TENM2: variants seen among roughly 807,000 people sequenced by gnomAD.
TENM2 encodes the protein teneurin transmembrane protein 2.
In TENM2, 52 loss-of-function variants were observed where a neutral mutation model predicts 245.2. That is an observed-to-expected ratio of 0.21 (90% CI 0.17 to 0.27). The LOEUF (loss-of-function observed/expected upper bound fraction) is 0.27, where lower values mean the gene tolerates loss of function less well. TENM2 is among the 10% of genes least tolerant of loss of function. The pLI is 1.00. For synonymous variants in TENM2, 1,363 were observed against 1,438.9 expected (o/e 0.95, Z 1.19); for missense variants, 3,046 against 3,666.8 (o/e 0.83, Z 4.37).
At chr5:167,125,487 T>A in the TENM2 span, among the ~76,000 whole-genome samples, 2 of 152,304 alleles carry the variant, frequency 1.3e-5, no homozygotes, top group East Asian at 3.9e-4. Flanking sequence ...AGACCCTGAA[T>A]CTGTTTGATT....
At chr5:167,938,665 T>C (rs1412340318) in intron 3 of TENM2, 1 of 152,024 alleles carries the variant, frequency 6.6e-6, no homozygotes, top group Non-Finnish European at 1.5e-5. Flanking sequence ...AATGAAGACG[T>C]GAATAAAGGA....
chr5:167,540,447 A>G (rs879391935), intron 2 of TENM2, among the ~76,000 whole-genome samples: 2 of 152,238 alleles, frequency 1.3e-5, no homozygotes, highest in Admixed American at 1.3e-4. Context: ...ATATTTCATG[A>G]CACGTGAAAA....
At chr5:167,233,203 GAT>G in the TENM2 span, among the ~76,000 whole-genome samples, 3 of 152,188 alleles carry the variant, frequency 2.0e-5, no homozygotes, top group Non-Finnish European at 4.4e-5. Context: ...GTAGGAATTA[GAT>G]AAATATTTTC....
At chr5:167,250,914 A>G in the TENM2 span, among the ~76,000 whole-genome samples, 2 of 152,148 alleles carry the variant, frequency 1.3e-5, no homozygotes, top group African/African-American at 4.8e-5. Context: ...TTGTTTGCTC[A>G]AGAGAAGTTA....
chr5:167,375,200 A>G (rs1480039543), exon 2 of TENM2: 14 of 1,551,318 alleles, frequency 9.0e-6, no homozygotes, highest in Non-Finnish European at 1.2e-5. Context: ...CACCCTAGGA[A>G]CCAACTTCAC....
At chr5:167,859,505 A>T (rs1292829101) in intron 2 of TENM2, among the ~76,000 whole-genome samples, 1 of 60,824 alleles carries the variant, frequency 1.6e-5, no homozygotes, top group Non-Finnish European at 3.1e-5. Flanking sequence ...CGGGAGGGAG[A>T]TGGGGGGGTC....
chr5:167,411,243 T>G (rs1762890851), intron 2 of TENM2, among the ~76,000 whole-genome samples: 1 of 152,104 alleles, frequency 6.6e-6, no homozygotes, highest in African/African-American at 2.4e-5. Flanking sequence ...TAAAGTATAC[T>G]TGACTTTTGC....
At chr5:167,026,167 G>T in the TENM2 span, among the ~76,000 whole-genome samples, 1 of 152,170 alleles carries the variant, frequency 6.6e-6, no homozygotes, top group African/African-American at 2.4e-5. Context: ...ACACTGGTCA[G>T]CCACAAGCCA....
At chr5:167,525,689 G>T (rs1771064250) in intron 2 of TENM2, among the ~76,000 whole-genome samples, 1 of 152,056 alleles carries the variant, frequency 6.6e-6, no homozygotes, top group Non-Finnish European at 1.5e-5. Flanking sequence ...TTTCTCACCA[G>T]GTATCCATTT....
chr5:167,565,951 T>C (rs1367433864), intron 2 of TENM2, among the ~76,000 whole-genome samples: 4 of 152,182 alleles, frequency 2.6e-5, no homozygotes, highest in Non-Finnish European at 4.4e-5. Context: ...TTGTTTGTTG[T>C]TGTTGTTTAA....
chr5:168,168,272 C>T (rs1208660279), intron 13 of TENM2, among the ~76,000 whole-genome samples: 1 of 152,166 alleles, frequency 6.6e-6, no homozygotes, highest in East Asian at 1.9e-4. Context: ...TGGGTGGGCT[C>T]ACCCAGCCTA....
chr5:167,620,911 C>CTCTG (rs1778124021), intron 2 of TENM2, among the ~76,000 whole-genome samples: 1 of 152,092 alleles, frequency 6.6e-6, no homozygotes, highest in South Asian at 2.1e-4. Context: ...TTACAACCAG[C>CTCTG]TCTGAATAAT....
chr5:167,694,718 GTGTGCA>G lies in TENM2; in HGVS notation c.503-181265_503-181260del, dbSNP rs1169721892. ...TCGGGCCCCAGCTCTTAATCTCTTG[GTGTGCA>G]TGAATAGTTCTCATTAGTTGTGGTA... On this transcript the variant is annotated intron_variant, in intron 2 of 28. Coordinates refer to ENST00000518659, the Ensembl canonical transcript of TENM2. Among the ~76,000 whole-genome samples the G allele has an allele frequency of 2.6e-5, 4 of 152,112 alleles. No homozygotes were observed. In the East Asian group the frequency reaches 7.7e-4, roughly 29 times the overall value.
the TENM2 span, among the ~76,000 whole-genome samples, chr5:167,180,037 C>T: frequency 1.3e-5 from 2 of 151,710 alleles, no homozygotes. Context: ...TACTGTTTGA[C>T]CTGGTCCTTT....
At chr5:167,960,260 G>T (rs1021052311) in intron 4 of TENM2, among the ~76,000 whole-genome samples, 1 of 152,214 alleles carries the variant, frequency 6.6e-6, no homozygotes, top group Admixed American at 6.5e-5. Flanking sequence ...AGCCGGCAGG[G>T]TGGGAATGTT....
chr5:167,799,816 A>G (rs1418876012), intron 2 of TENM2, among the ~76,000 whole-genome samples: 1 of 152,208 alleles, frequency 6.6e-6, no homozygotes. Flanking sequence ...CAGTCTAAAT[A>G]CATTATCTAT....
intron 13 of TENM2, chr5:168,165,218 T>C (rs2083677932): frequency 6.6e-6 from 1 of 152,242 alleles, no homozygotes; most frequent in African/African-American, 2.4e-5. Context: ...TAATTCATTT[T>C]TTAACAAGTT....
At chr5:167,285,049 A>T (rs1771256744) in exon 1 of TENM2, 3 of 1,551,992 alleles carry the variant, frequency 1.9e-6, no homozygotes, top group Non-Finnish European at 2.6e-6. Context: ...GAGTCAGATG[A>T]GTTTCCTAGA....
At chr5:167,150,121 G>C in the TENM2 span, among the ~76,000 whole-genome samples, 1 of 152,084 alleles carries the variant, frequency 6.6e-6, no homozygotes, top group South Asian at 2.1e-4. Context: ...GTTTTAAAAA[G>C]TTACTGTGGG....
Sources: gnomAD v4.1 joint callset for allele counts (sites outside exome capture counted in the v4.1 genomes callset) on GRCh38, gnomAD v4.1.1 for gene constraint, MANE v1.5 for transcripts, NCBI Gene and HGNC (gene_info 2026-07-23, HGNC 2026-07-21) for gene names.